MYO16: variants seen among roughly 807,000 people sequenced by gnomAD.
The protein encoded by MYO16 is unconventional myosin-XVI.
MYO16 carries 94 observed loss-of-function variants against 205.3 expected under a neutral mutation model. That is an observed-to-expected ratio of 0.46 (90% CI 0.39 to 0.54). The LOEUF is 0.54. MYO16 is among the 20% of genes least tolerant of loss of function. The pLI is 0.00. For synonymous variants in MYO16, 988 were observed against 954.0 expected, an observed-to-expected ratio of 1.04 and a Z score of -0.66; for missense variants, 2,315 against 2,387.5, an observed-to-expected ratio of 0.97 and a Z score of 0.63.
intron 27 of MYO16, among the ~76,000 whole-genome samples, chr13:109,078,061 C>T (rs1888166109): frequency 6.6e-6 from 1 of 152,022 alleles, no homozygotes; most frequent in Admixed American, 6.5e-5. Flanking sequence ...TCTGTTCATC[C>T]AATTCAATGC....
chr13:108,915,942 G>T (rs1881478198), intron 16 of MYO16, among the ~76,000 whole-genome samples: 1 of 152,268 alleles, frequency 6.6e-6, no homozygotes, highest in South Asian at 2.1e-4. Context: ...GGAAGCCACG[G>T]CAAGCAGCTC....
At chr13:108,925,555 A>G (rs1196360070) in intron 16 of MYO16, among the ~76,000 whole-genome samples, 7 of 152,172 alleles carry the variant, frequency 4.6e-5, no homozygotes, top group Admixed American at 6.5e-5. Context: ...TTTCTCACCT[A>G]AAGAACCTGG....
chr13:108,827,209 C>T (rs1325676772), intron 9 of MYO16, among the ~76,000 whole-genome samples: 1 of 152,118 alleles, frequency 6.6e-6, no homozygotes, highest in Non-Finnish European at 1.5e-5. Context: ...CAGTCTTAAC[C>T]CCAGCTTCCT....
chr13:108,553,754 C>T, the MYO16 span, among the ~76,000 whole-genome samples: 1 of 151,868 alleles, frequency 6.6e-6, no homozygotes, highest in Non-Finnish European at 1.5e-5. Flanking sequence ...TGTGTCTTCC[C>T]CCGATATTTT....
At position 109,181,828 on chromosome 13, in the gene MYO16, T is replaced by A. The variant is rs539496079; in HGVS notation, c.5415+2195T>A. Among the ~76,000 whole-genome samples, 224 of 145,926 alleles carry A rather than the reference T, an allele frequency of 1.5e-3. 3 individuals carry two copies. The highest frequency in any genetic ancestry group is 5.2e-3 in the African/African-American group (210 of 40,312). On this transcript the variant is annotated intron_variant, in intron 34 of 34. Transcript: ENST00000457511. ...TATTTATTTATTTATTTTATTTTAT[T>A]TTTTTTTTTGAGACAGAGTTTAACT...
chr13:108,699,971 C>T (rs1883235549), intron 2 of MYO16, among the ~76,000 whole-genome samples: 1 of 152,088 alleles, frequency 6.6e-6, no homozygotes, highest in African/African-American at 2.4e-5. Context: ...TCATAAAGCA[C>T]TGAGAACACT....
intron 1 of MYO16, among the ~76,000 whole-genome samples, chr13:108,638,387 C>A (rs9284242): frequency 0.026 from 3,929 of 152,270 alleles, 165 homozygotes; most frequent in African/African-American, 0.082. Flanking sequence ...GCTCCACTTA[C>A]CTTTACTTCC....
intron 16 of MYO16, among the ~76,000 whole-genome samples, chr13:108,924,993 T>C (rs1881924864): frequency 6.6e-6 from 1 of 152,194 alleles, no homozygotes; most frequent in African/African-American, 2.4e-5. Flanking sequence ...CTTGTCTTTC[T>C]GGGAATAGAA....
rs1487318353 is a variant in MYO16, at chr13:108,713,176, AATATT to A, written c.363+454_363+458del. 3.9e-5 allele frequency among the ~76,000 whole-genome samples: 6 copies of A among 152,148 alleles called. No individual in the cohort carries two copies. In the East Asian group the frequency reaches 5.8e-4, roughly 15 times the overall value. On this transcript the variant is annotated intron_variant, in intron 3 of 34. Transcript: ENST00000457511. ...AAACAAATAAATAACTACATTTAAA[AATATT>A]ATATTATAAATAACTGCATTTAAAA...
chr13:109,142,104 A>G (rs1192165413), intron 32 of MYO16, among the ~76,000 whole-genome samples: 1 of 152,196 alleles, frequency 6.6e-6, no homozygotes, highest in Admixed American at 6.5e-5. Context: ...ACCTGGCAAA[A>G]TAAGATTTTC....
At position 109,127,673 on chromosome 13, in the gene MYO16, T is replaced by C. The variant is rs950252554; in HGVS notation, c.4051+123T>C. On this transcript the variant is annotated intron_variant, in intron 31 of 34. Transcript: ENST00000457511. The surrounding 1 kb of genome is among the most constrained non-coding windows in gnomAD (Gnocchi z 4.2). Reference sequence around the variant, plus strand: ...TCTTAATAGAAATAAATCCAATTGTTGGCTTGCCAGCAGCTCTTAATCATT... The same window carrying C: ...TCTTAATAGAAATAAATCCAATTGTCGGCTTGCCAGCAGCTCTTAATCATT... 7.1e-6 allele frequency: 7 copies of C among 986,998 alleles called. No homozygotes were observed. The highest frequency in any genetic ancestry group is 1.6e-5 in the African/African-American group (1 of 61,446). 61.1% of individuals were successfully genotyped at this position (986,998 alleles called of 1,614,324 possible). A position where few individuals can be genotyped will look rare whatever the true frequency, so the allele number is the denominator to read the frequency against.
At chr13:108,937,393 G>T (rs557449702) in intron 16 of MYO16, among the ~76,000 whole-genome samples, 1 of 151,678 alleles carries the variant, frequency 6.6e-6, no homozygotes, top group Non-Finnish European at 1.5e-5. Flanking sequence ...TAGATTTCTT[G>T]TATCTGGATG....
At chr13:108,968,944 G>T (rs1883906398) in intron 20 of MYO16, among the ~76,000 whole-genome samples, 1 of 152,200 alleles carries the variant, frequency 6.6e-6, no homozygotes, top group Admixed American at 6.5e-5. Flanking sequence ...GAGACTTACA[G>T]CTAAAGGGGC....
chr13:108,874,810 A>G (rs549554257), intron 12 of MYO16, among the ~76,000 whole-genome samples: 2 of 152,020 alleles, frequency 1.3e-5, no homozygotes, highest in East Asian at 3.9e-4. Flanking sequence ...ACAGTTCACA[A>G]ATAGGACACC....
chr13:108,610,468 C>A (rs1353486832), intron 1 of MYO16, among the ~76,000 whole-genome samples: 1 of 152,102 alleles, frequency 6.6e-6, no homozygotes, highest in Non-Finnish European at 1.5e-5. Flanking sequence ...TTGTTGAAAT[C>A]CTCCTGTGTG....
intron 1 of MYO16, among the ~76,000 whole-genome samples, chr13:108,633,532 GCAGCTGATCAGATGGTGTCCATC>G (rs779691401): frequency 1.8e-4 from 28 of 152,148 alleles, no homozygotes; most frequent in Non-Finnish European, 3.7e-4. Context: ...AGCTGCACTG[GCAGCTGATCAGATGGTGTCCATC>G]CAGATCGAGG....
chr13:109,109,389 A>T (rs959550942), intron 28 of MYO16, among the ~76,000 whole-genome samples: 1 of 152,232 alleles, frequency 6.6e-6, no homozygotes, highest in Admixed American at 6.5e-5. Flanking sequence ...AAAGTGCAGC[A>T]TTCTATTTTA....
intron 16 of MYO16, among the ~76,000 whole-genome samples, chr13:108,931,748 G>A (rs1326471927): frequency 6.6e-6 from 1 of 152,294 alleles, no homozygotes; most frequent in South Asian, 2.1e-4. Context: ...GTACATGGGG[G>A]TGGGTGGGCT....
rs753934609 is a variant in MYO16 at position 109,055,024 on chromosome 13, C to T, written c.3049-22C>T. 2.1e-6 allele frequency: 3 copies of T among 1,432,776 alleles called. No individual in the cohort carries two copies. In the East Asian group the frequency reaches 7.3e-5, roughly 35 times the overall value. 88.8% of individuals were successfully genotyped at this position (1,432,776 alleles called of 1,614,324 possible). On this transcript the variant is annotated intron_variant, in intron 25 of 34. Coordinates refer to ENST00000457511, the MANE Select transcript of MYO16 (RefSeq NM_001198950.3). This position sits in a 1 kb window ranked among gnomAD's most constrained non-coding sequence, Gnocchi z 5.0. Reference sequence around the variant, plus strand: ...CTTTCCTTTCTTTTCTCCTGTCCTTCTTGTCTTTCTTTTTATTACAGTTAT... The same window carrying T: ...CTTTCCTTTCTTTTCTCCTGTCCTTTTTGTCTTTCTTTTTATTACAGTTAT...
Sources: gnomAD v4.1 joint callset for allele counts (sites outside exome capture counted in the v4.1 genomes callset) on GRCh38, gnomAD v4.1.1 for gene constraint, Gnocchi (gnomAD v3.1) non-coding constraint, MANE v1.5 for transcripts, NCBI Gene and HGNC (gene_info 2026-07-23, HGNC 2026-07-21) for gene names.